COTL1: variants seen among roughly 807,000 people sequenced by gnomAD.
COTL1 encodes coactosin like F-actin binding protein 1.
A neutral mutation model predicts 16.5 loss-of-function variants in COTL1; 15 were observed. That is an observed-to-expected ratio of 0.91 (90% confidence interval 0.61 to 1.40). COTL1 has a LOEUF of 1.40. Ranked by LOEUF, COTL1 falls within the 40% of genes most tolerant of loss-of-function variation. The pLI, the probability that COTL1 is intolerant of heterozygous loss-of-function variation, is 0.00. For synonymous variants in COTL1, 112 were observed against 85.3 expected (o/e 1.31, Z -1.73); for missense variants, 220 against 201.5 (o/e 1.09, Z -0.56).
At chr16:84,612,197 C>T (rs1905345022) in intron 2 of COTL1, among the ~76,000 whole-genome samples, 1 of 152,228 alleles carries the variant, frequency 6.6e-6, no homozygotes, top group Non-Finnish European at 1.5e-5. Context: ...CTAATGACCA[C>T]ACTGTAGCAG....
At chr16:84,573,714 T>A (rs1244665575) in intron 3 of COTL1, among the ~76,000 whole-genome samples, 1 of 148,478 alleles carries the variant, frequency 6.7e-6, no homozygotes, top group African/African-American at 2.5e-5. Flanking sequence ...CACTCCAGCC[T>A]GGGTGACAAG....
chr16:84,591,078 ACT>A (rs1904848896), intron 2 of COTL1, among the ~76,000 whole-genome samples: 1 of 151,900 alleles, frequency 6.6e-6, no homozygotes, highest in African/African-American at 2.4e-5. Context: ...TCAATGCCAC[ACT>A]GTTTTTATTA....
intron 2 of COTL1, chr16:84,594,411 G>A (rs966711874): frequency 6.6e-6 from 1 of 152,328 alleles, no homozygotes; most frequent in African/African-American, 2.4e-5. Context: ...CGCAGCCACA[G>A]GCGGCTGGTG....
chr16:84,581,013 G>A (rs2326327), intron 3 of COTL1, among the ~76,000 whole-genome samples: 55,916 of 151,850 alleles, frequency 0.37, 11,535 homozygotes, highest in African/African-American at 0.56. Flanking sequence ...ATGGTGGCAG[G>A]TGCCTGTGGT....
At chr16:84,605,137 C>T (rs1759971704) in intron 2 of COTL1, among the ~76,000 whole-genome samples, 1 of 152,246 alleles carries the variant, frequency 6.6e-6, no homozygotes. Context: ...CACGGCCCCC[C>T]ATGGCCTGGG....
In COTL1 at chr16:84,590,298, G is replaced by C; in HGVS notation, c.161-36C>G. On this transcript the variant is annotated intron_variant, in intron 2 of 3. Transcript: ENST00000262428. This position sits in a 1 kb window ranked among gnomAD's most constrained non-coding sequence, Gnocchi z 5.5. ...AAGCGAAAAGAGAACATGGTGCTGC[G>C]TTAAAACACCCCCATGTCATGTCCC... The C allele has an allele frequency of 6.2e-7, 1 of 1,604,038 alleles. No homozygotes were observed. The highest frequency in any genetic ancestry group is 8.5e-7 in the Non-Finnish European group (1 of 1,172,594).
At chr16:84,580,912 G>A (rs1904573821) in intron 3 of COTL1, among the ~76,000 whole-genome samples, 1 of 152,184 alleles carries the variant, frequency 6.6e-6, no homozygotes, top group African/African-American at 2.4e-5. Flanking sequence ...GGGAGGCTGA[G>A]GCGGGCAGAT....
intron 2 of COTL1, among the ~76,000 whole-genome samples, chr16:84,603,432 C>T (rs932247767): frequency 1.1e-4 from 16 of 152,248 alleles, no homozygotes; most frequent in East Asian, 3.9e-4. Flanking sequence ...ACAGCTCTGC[C>T]GTAAACACAG....
At chr16:84,593,729 G>A (rs1026067129) in intron 2 of COTL1, among the ~76,000 whole-genome samples, 10 of 152,108 alleles carry the variant, frequency 6.6e-5, no homozygotes, top group African/African-American at 2.4e-4. Context: ...TTGATCTCCT[G>A]ACCTCGTGAT....
At chr16:84,593,142 C>G (rs1904910946) in intron 2 of COTL1, among the ~76,000 whole-genome samples, 1 of 152,242 alleles carries the variant, frequency 6.6e-6, no homozygotes, top group African/African-American at 2.4e-5. Context: ...GCCAGACTCT[C>G]AACACGAGGC....
chr16:84,578,640 T>TAC (rs142142163), intron 3 of COTL1, among the ~76,000 whole-genome samples: 6 of 146,128 alleles, frequency 4.1e-5, no homozygotes, highest in South Asian at 2.2e-4. Context: ...CACGCAGGCA[T>TAC]ACACACACAC....
intron 2 of COTL1, among the ~76,000 whole-genome samples, chr16:84,613,925 A>G (rs1043405375): frequency 3.9e-5 from 6 of 152,082 alleles, no homozygotes; most frequent in South Asian, 2.1e-4. Flanking sequence ...TCAGGGCCAA[A>G]GACAGTCCAG....
At chr16:84,613,316 C>T (rs78687064) in intron 2 of COTL1, among the ~76,000 whole-genome samples, 4 of 152,004 alleles carry the variant, frequency 2.6e-5, no homozygotes, top group Non-Finnish European at 4.4e-5. Context: ...GTTTCTGATT[C>T]CAAAGTGTAC....
intron 2 of COTL1, chr16:84,594,438 G>A (rs940976489): frequency 6.6e-6 from 1 of 152,348 alleles, no homozygotes; most frequent in African/African-American, 2.4e-5. Context: ...TGGAGTGTGG[G>A]GGAGCAGCGC....
intron 3 of COTL1, among the ~76,000 whole-genome samples, chr16:84,585,877 T>G (rs546559369): frequency 2.6e-5 from 4 of 152,350 alleles, no homozygotes; most frequent in African/African-American, 9.6e-5. Flanking sequence ...AGCCTGCACC[T>G]GTAGTTCAGG....
At chr16:84,578,951 A>G (rs900256453) in intron 3 of COTL1, among the ~76,000 whole-genome samples, 1 of 152,068 alleles carries the variant, frequency 6.6e-6, no homozygotes, top group Non-Finnish European at 1.5e-5. Flanking sequence ...ACACAGGTGC[A>G]CACAGGTATG....
chr16:84,587,358 C>A (rs2150686578), intron 3 of COTL1, among the ~76,000 whole-genome samples: 1 of 152,246 alleles, frequency 6.6e-6, no homozygotes, highest in African/African-American at 2.4e-5. Context: ...GATTATCTCG[C>A]CTCTTAACTC....
At chr16:84,604,089 G>A (rs531585948) in intron 2 of COTL1, among the ~76,000 whole-genome samples, 1 of 116,328 alleles carries the variant, frequency 8.6e-6, no homozygotes, top group African/African-American at 3.3e-5. Flanking sequence ...CTCCCCAACC[G>A]CCTTCTCACC....
chr16:84,601,346 A>G (rs1475555487), intron 2 of COTL1, among the ~76,000 whole-genome samples: 1 of 152,212 alleles, frequency 6.6e-6, no homozygotes, highest in Non-Finnish European at 1.5e-5. Flanking sequence ...TGCTATGGCA[A>G]AGAGTTGTGA....
Sources: gnomAD v4.1 joint callset for allele counts (sites outside exome capture counted in the v4.1 genomes callset) on GRCh38, gnomAD v4.1.1 for gene constraint, Gnocchi (gnomAD v3.1) non-coding constraint, MANE v1.5 for transcripts, NCBI Gene and HGNC (gene_info 2026-07-23, HGNC 2026-07-21) for gene names.